Variants in SLC44A5 observed in about 807,000 individuals in gnomAD.
SLC44A5 encodes the protein choline transporter-like protein 5.
In SLC44A5, 57 loss-of-function variants were observed where a neutral mutation model predicts 101.8. That is an observed-to-expected ratio of 0.56 (90% confidence interval 0.45 to 0.70). The LOEUF (loss-of-function observed/expected upper bound fraction) is 0.70. Ranked by LOEUF, SLC44A5 falls within the 30% of genes least tolerant of loss-of-function variation. The probability of loss-of-function intolerance (pLI) is 0.00; values close to 1 mark genes in which losing one functional copy is unlikely to be tolerated. For synonymous variants in SLC44A5, 281 were observed against 290.9 expected (o/e 0.97, Z 0.35); for missense variants, 737 against 853.1 (o/e 0.86, Z 1.70).
chr1:75,557,259 C>T (rs993096808), intron 1 of SLC44A5, among the ~76,000 whole-genome samples: 2 of 151,892 alleles, frequency 1.3e-5, no homozygotes, highest in African/African-American at 4.8e-5. Context: ...ATATGCCAAG[C>T]AAAAAGAAAA....
At chr1:75,526,038 A>G (rs942484122) in intron 2 of SLC44A5, among the ~76,000 whole-genome samples, 3 of 152,190 alleles carry the variant, frequency 2.0e-5, no homozygotes, top group Non-Finnish European at 4.4e-5. Context: ...TTAAAGCAGC[A>G]TAATTAGTAG....
the SLC44A5 span, among the ~76,000 whole-genome samples, chr1:75,631,874 C>T: frequency 2.0e-5 from 3 of 151,990 alleles, no homozygotes; most frequent in African/African-American, 7.3e-5. Context: ...GCCATGTTGC[C>T]CAGGCTGGCC....
At chr1:75,628,708 A>G in the SLC44A5 span, among the ~76,000 whole-genome samples, 1 of 152,226 alleles carries the variant, frequency 6.6e-6, no homozygotes, top group Non-Finnish European at 1.5e-5. Flanking sequence ...GCCATCAAAG[A>G]AAGACACAAA....
intron 2 of SLC44A5, among the ~76,000 whole-genome samples, chr1:75,421,085 ATATAT>A (rs1209822846): frequency 3.3e-5 from 5 of 152,134 alleles, no homozygotes; most frequent in African/African-American, 1.2e-4. Context: ...TTGTTTTCAA[ATATAT>A]TATAATATGG....
chr1:75,584,745 T>C (rs1407454833), intron 1 of SLC44A5, among the ~76,000 whole-genome samples: 11 of 152,060 alleles, frequency 7.2e-5, no homozygotes, highest in Non-Finnish European at 1.5e-5. Context: ...AAGTAGCATG[T>C]GCCACAATGC....
chr1:75,384,831 A>G (rs1230531206), intron 3 of SLC44A5, among the ~76,000 whole-genome samples: 1 of 150,578 alleles, frequency 6.6e-6, no homozygotes, highest in Non-Finnish European at 1.5e-5. Flanking sequence ...AGCAAATGTA[A>G]AAGAACAGAG....
chr1:75,709,954 A>G, the SLC44A5 span: 1 of 152,252 alleles, frequency 6.6e-6, no homozygotes, highest in African/African-American at 2.4e-5. Context: ...ATACTCAAAC[A>G]TGAATGAATC....
chr1:75,223,824 GT>G (rs1443993125), intron 13 of SLC44A5, among the ~76,000 whole-genome samples: 8 of 152,080 alleles, frequency 5.3e-5, no homozygotes, highest in African/African-American at 1.7e-4. Flanking sequence ...ATGTATTTAT[GT>G]TTTCATGTAC....
rs143337680 is a variant in SLC44A5, at chr1:75,282,736, C to A, written c.176-7694G>T. 2.2e-3 allele frequency among the ~76,000 whole-genome samples: 340 copies of A among 152,226 alleles called. 2 individuals carry two copies. The highest frequency in any genetic ancestry group is 7.5e-3 in the African/African-American group (313 of 41,528). On this transcript the variant is annotated intron_variant, in intron 5 of 23. Coordinates refer to ENST00000370859, the MANE Select transcript of SLC44A5 (RefSeq NM_001130058.2). ...TAATGGTTTTATAAGGGGCTTTTCCCCCTTTGCTCTGCACTTCTTCTTCCT... is the reference window on the plus strand; with the variant it reads ...TAATGGTTTTATAAGGGGCTTTTCCACCTTTGCTCTGCACTTCTTCTTCCT...
chr1:75,391,723 C>T (rs1661801211), intron 3 of SLC44A5, among the ~76,000 whole-genome samples: 2 of 152,082 alleles, frequency 1.3e-5, no homozygotes, highest in Non-Finnish European at 2.9e-5. Context: ...AAACTTAACT[C>T]GTGATGGATT....
At chr1:75,294,706 A>G (rs1289805479) in intron 5 of SLC44A5, among the ~76,000 whole-genome samples, 1 of 152,208 alleles carries the variant, frequency 6.6e-6, no homozygotes, top group Non-Finnish European at 1.5e-5. Context: ...CTTAAAAAAG[A>G]AGAAAATCCT....
chr1:75,693,705 A>G, the SLC44A5 span, among the ~76,000 whole-genome samples: 1 of 152,150 alleles, frequency 6.6e-6, no homozygotes, highest in African/African-American at 2.4e-5. Context: ...ATAAGGAGAA[A>G]CTAGCAAAGG....
At chr1:75,463,895 A>T (rs1666657352) in intron 2 of SLC44A5, among the ~76,000 whole-genome samples, 1 of 91,804 alleles carries the variant, frequency 1.1e-5, no homozygotes, top group Non-Finnish European at 2.2e-5. Flanking sequence ...AAAAACAATA[A>T]CAACTTTTTG....
rs577936474 is a variant in SLC44A5, at chr1:75,454,169, A to G, written c.14-57548T>C. ...CCTCAACAAAACACTAGCAACATGAATCCAGCATCACATTAAAAAATGTAA... is the reference window on the plus strand; with the variant it reads ...CCTCAACAAAACACTAGCAACATGAGTCCAGCATCACATTAAAAAATGTAA... On this transcript the variant is annotated intron_variant, in intron 2 of 23. Transcript: ENST00000370859. 2.0e-5 allele frequency among the ~76,000 whole-genome samples: 3 copies of G among 152,264 alleles called. No individual in the cohort carries two copies. In the South Asian group the frequency reaches 6.2e-4, roughly 32 times the overall value.
At chr1:75,322,751 G>A (rs916953000) in intron 4 of SLC44A5, among the ~76,000 whole-genome samples, 1 of 152,006 alleles carries the variant, frequency 6.6e-6, no homozygotes, top group African/African-American at 2.4e-5. Context: ...ACACTGCACG[G>A]ACAGATGTAC....
At chr1:75,690,776 T>G in the SLC44A5 span, among the ~76,000 whole-genome samples, 1 of 152,148 alleles carries the variant, frequency 6.6e-6, no homozygotes. Flanking sequence ...GGGACCATAG[T>G]GCTGAGAAAT....
chr1:75,586,833 T>C (rs1189430059), intron 1 of SLC44A5, among the ~76,000 whole-genome samples: 1 of 152,144 alleles, frequency 6.6e-6, no homozygotes, highest in Non-Finnish European at 1.5e-5. Context: ...CTGCAGACAG[T>C]CAATAAAATG....
intron 2 of SLC44A5, among the ~76,000 whole-genome samples, chr1:75,483,574 G>T (rs1025564214): frequency 6.6e-6 from 1 of 152,044 alleles, no homozygotes; most frequent in Non-Finnish European, 1.5e-5. Context: ...TCTTTTTAAT[G>T]AAATAAGAAA....
the SLC44A5 span, among the ~76,000 whole-genome samples, chr1:75,651,995 G>A: frequency 4.0e-4 from 61 of 152,148 alleles, 1 homozygote; most frequent in Non-Finnish European, 1.0e-4. Context: ...GCTTCCCAGT[G>A]AGATCTCAGG....
Sources: allele counts gnomAD v4.1 joint callset (sites outside exome capture counted in the v4.1 genomes callset), GRCh38; gene constraint gnomAD v4.1.1; transcripts MANE v1.5; gene names NCBI Gene and HGNC (gene_info 2026-07-23, HGNC 2026-07-21).